DHRS4L2: variants seen among roughly 807,000 people sequenced by gnomAD.
DHRS4L2 encodes the protein dehydrogenase/reductase 4 like 2, also known as dehydrogenase/reductase SDR family member 4-like 2.
In DHRS4L2, 22 loss-of-function variants were observed where a neutral mutation model predicts 23.9. The ratio of observed to expected loss-of-function variants is 0.92; its 90% confidence interval spans 0.66 to 1.31. The LOEUF (loss-of-function observed/expected upper bound fraction) is 1.31, where lower values mean the gene tolerates loss of function less well. Ranked by LOEUF, DHRS4L2 falls within the 40% of genes most tolerant of loss-of-function variation. The pLI, the probability that DHRS4L2 is intolerant of heterozygous loss-of-function variation, is 0.00. For synonymous variants in DHRS4L2, 141 were observed against 123.7 expected (o/e 1.14, Z -0.93); for missense variants, 385 against 303.3 (o/e 1.27, Z -2.00).
chr14:23,982,226 C>G (rs1434796574), intron 1 of DHRS4L2, among the ~76,000 whole-genome samples: 6 of 151,760 alleles, frequency 4.0e-5, no homozygotes, highest in Admixed American at 3.9e-4. Context: ...TTTATTGAGA[C>G]TGAAGAATGG....
upstream of DHRS4L2, among the ~76,000 whole-genome samples, chr14:23,986,813 C>CG (rs1304158227): frequency 6.0e-5 from 9 of 151,260 alleles, no homozygotes; most frequent in African/African-American, 2.2e-4. Flanking sequence ...CTCCCCCCAG[C>CG]CCCACACAGA....
intron 2 of DHRS4L2, among the ~76,000 whole-genome samples, chr14:23,993,033 C>A (rs1020407602): frequency 3.4e-5 from 5 of 148,164 alleles, no homozygotes; most frequent in African/African-American, 1.2e-4. Context: ...CAGCCTCCTC[C>A]CATCTCTGTG....
intron 2 of DHRS4L2, among the ~76,000 whole-genome samples, chr14:23,993,189 A>C (rs2034303619): frequency 6.6e-6 from 1 of 151,462 alleles, no homozygotes; most frequent in Non-Finnish European, 1.5e-5. Flanking sequence ...CTTACTCTGC[A>C]CCTCCCTAGT....
In DHRS4L2 at chr14:23,990,305, G is replaced by A. The variant is rs45596131; in HGVS notation, c.252G>A (p.Thr84=). The A allele has an allele frequency of 0.019, 30,202 of 1,575,754 alleles. 1,634 individuals carry two copies. The highest frequency in any genetic ancestry group is 0.022 in the Non-Finnish European group (25,198 of 1,145,436). Reference sequence around the variant, plus strand: ...TGCAGGGGGAGGGGCTGAGCGTGACGGGCACTGTGTGCCATGTGGGGAAGG... The same window carrying A: ...TGCAGGGGGAGGGGCTGAGCGTGACAGGCACTGTGTGCCATGTGGGGAAGG... ...ATLQGEGLSV[T]GTVCHVGKAE... is the part of the protein sequence containing the mutation. Residue 84 remains threonine, a synonymous_variant, in exon 2 of 8, where the codon ACG becomes ACA. Transcript: ENST00000335125.
chr14:23,978,009 G>A (rs2033999540), intron 1 of DHRS4L2, among the ~76,000 whole-genome samples: 1 of 151,600 alleles, frequency 6.6e-6, no homozygotes, highest in East Asian at 1.9e-4. Context: ...TCAGAATGCT[G>A]ACTGCATTCC....
chr14:23,993,131 C>A (rs1218977714), intron 2 of DHRS4L2, among the ~76,000 whole-genome samples: 2 of 150,876 alleles, frequency 1.3e-5, no homozygotes, highest in Non-Finnish European at 3.0e-5. Flanking sequence ...ATTGTCTCCT[C>A]CCAGCCCAAA....
chr14:23,981,098 C>G (rs145284799), intron 1 of DHRS4L2, among the ~76,000 whole-genome samples: 1,424 of 151,336 alleles, frequency 9.4e-3, no homozygotes, highest in African/African-American at 0.033. Context: ...TGATAAGCAA[C>G]TTCAGCAAAG....
Position 24,000,725 on chromosome 14 carries a change from G to A in DHRS4L2, c.409-138G>A. On this transcript the variant is annotated intron_variant, in intron 3 of 7. Transcript: ENST00000335125. ...TCCCTGAACCTCAGTTCCTTCATGTGTAAGATGCAGGTATATCATCCTAAG... is the reference window on the plus strand; with the variant it reads ...TCCCTGAACCTCAGTTCCTTCATGTATAAGATGCAGGTATATCATCCTAAG... 5.1e-6 allele frequency: 4 copies of A among 791,496 alleles called. 1 individual carries two copies. In the South Asian group the frequency reaches 5.5e-5, roughly 11 times the overall value. 49.0% of individuals were successfully genotyped at this position (791,496 alleles called of 1,614,324 possible). A position where few individuals can be genotyped will look rare whatever the true frequency, so the allele number is the denominator to read the frequency against.
At chr14:23,972,442 C>A (rs1311731266) in intron 1 of DHRS4L2, among the ~76,000 whole-genome samples, 1 of 151,990 alleles carries the variant, frequency 6.6e-6, no homozygotes, top group East Asian at 1.9e-4. Flanking sequence ...TGCAGACCTT[C>A]ACGGTGAGTG....
chr14:24,003,821 G>A, intron 6 of DHRS4L2, among the ~76,000 whole-genome samples: 1 of 50,084 alleles, frequency 2.0e-5, no homozygotes. Context: ...TGTGATTTTT[G>A]TACATTGATT....
intron 1 of DHRS4L2, among the ~76,000 whole-genome samples, chr14:23,978,388 C>T (rs914257896): frequency 7.3e-6 from 1 of 137,160 alleles, no homozygotes; most frequent in African/African-American, 3.1e-5. Context: ...TTATGTACCA[C>T]TCATTAGCCA....
chr14:23,972,763 C>T (rs528090084), intron 1 of DHRS4L2, among the ~76,000 whole-genome samples: 28 of 152,036 alleles, frequency 1.8e-4, no homozygotes, highest in East Asian at 1.7e-3. Context: ...TGATTATTAT[C>T]GTCATTATTT....
chr14:23,970,984 C>G (rs1485161531), intron 1 of DHRS4L2, among the ~76,000 whole-genome samples: 1 of 151,998 alleles, frequency 6.6e-6, no homozygotes, highest in Non-Finnish European at 1.5e-5. Context: ...CACTAAAACC[C>G]CATCCATAGG....
chr14:24,000,311 T>A (rs2034460771), intron 3 of DHRS4L2, among the ~76,000 whole-genome samples: 1 of 149,634 alleles, frequency 6.7e-6, no homozygotes, highest in Admixed American at 6.6e-5. Flanking sequence ...GGATTCTGAT[T>A]GTAGCCTGTC....
At chr14:24,000,425 A>G (rs1316385619) in intron 3 of DHRS4L2, among the ~76,000 whole-genome samples, 13 of 151,568 alleles carry the variant, frequency 8.6e-5, no homozygotes, top group Admixed American at 7.9e-4. Context: ...CCCTAAGCCC[A>G]GAAGCCAGAG....
chr14:23,994,995 A>G, intron 2 of DHRS4L2, 37 bp from the exon 3 acceptor site: 2 of 1,609,312 alleles, frequency 1.2e-6, no homozygotes, highest in Non-Finnish European at 1.7e-6. Context: ...TCCCTTACTT[A>G]CTGCAGCCCT....
At position 23,971,856 on chromosome 14, in the gene DHRS4L2, G is replaced by A. The variant is rs1176528534; in HGVS notation, c.-176+1524G>A. ...GCACTAAACATGGAAAGGAACAACGGGTACCAGCCACTGCAAAAACATACG... is the reference window on the plus strand; with the variant it reads ...GCACTAAACATGGAAAGGAACAACGAGTACCAGCCACTGCAAAAACATACG... On this transcript the variant is annotated intron_variant, in intron 1 of 5. Coordinates refer to the DHRS4L2 transcript ENST00000534993. Among the ~76,000 whole-genome samples the A allele has an allele frequency of 8.8e-4, 134 of 152,010 alleles. 1 individual carries two copies. Among genetic ancestry groups the A allele is most frequent in the African/African-American group, 2.5e-3 (102 of 41,484 alleles).
At chr14:23,983,899 G>A (rs1288900926), upstream of DHRS4L2, among the ~76,000 whole-genome samples, 2 of 151,568 alleles carry the variant, frequency 1.3e-5, 1 homozygote, top group African/African-American at 4.8e-5. Context: ...GGGGGCTGGG[G>A]AAGGGATAGC....
chr14:23,986,005 T>G (rs1036722273), upstream of DHRS4L2, among the ~76,000 whole-genome samples: 17 of 151,486 alleles, frequency 1.1e-4, no homozygotes, highest in Admixed American at 2.6e-4. Flanking sequence ...TGTCTCAAAC[T>G]CCAGACCACA....
Sources: allele counts gnomAD v4.1 joint callset (sites outside exome capture counted in the v4.1 genomes callset), GRCh38; gene constraint gnomAD v4.1.1; transcripts MANE v1.5; gene names NCBI Gene and HGNC (gene_info 2026-07-23, HGNC 2026-07-21).